The following TAB1 variants were observed in gnomAD, a reference collection of about 807,000 sequenced individuals.
TAB1 encodes the protein TGF-beta-activated kinase 1 and MAP3K7-binding protein 1.
TAB1 carries 30 observed loss-of-function variants against 54.5 expected under a neutral mutation model. The observed-to-expected ratio is 0.55, with a 90% CI of 0.41 to 0.75. The LOEUF (loss-of-function observed/expected upper bound fraction) is 0.75, where lower values mean the gene tolerates loss of function less well. Among genes scored for constraint, TAB1 ranks in the 30% least tolerant of loss-of-function variants. TAB1 has a pLI of 0.00. For missense variants in TAB1, 609 were observed against 683.2 expected (o/e 0.89, Z 1.21); for synonymous variants, 289 against 286.9 (o/e 1.01, Z -0.07).
rs374318139 is a variant in TAB1 at position 39,403,534 on chromosome 22, T to C, written c.33+3699T>C. 2.6e-4 allele frequency among the ~76,000 whole-genome samples: 39 copies of C among 152,170 alleles called. No homozygotes were observed. In the East Asian group the frequency reaches 7.0e-3, roughly 27 times the overall value. ...GGGCCATGCTGGGCTTCACAGGTCC[T>C]GATGTGGCCTCTGGATTCCATTCTT... On this transcript the variant is annotated intron_variant, in intron 1 of 10. Transcript: ENST00000216160.
intron 1 of TAB1, 140 bp downstream of exon 1, chr22:39,399,975 C>T (rs1247745196): frequency 4.1e-6 from 4 of 975,718 alleles, no homozygotes; most frequent in Non-Finnish European, 3.0e-6. Flanking sequence ...CTCCTCTCCT[C>T]GGGCTGGCCC....
At chr22:39,405,336 C>A (rs1028103976) in intron 1 of TAB1, among the ~76,000 whole-genome samples, 2 of 152,232 alleles carry the variant, frequency 1.3e-5, no homozygotes, top group Admixed American at 6.5e-5. Context: ...AACTCCTTCA[C>A]AAAATCAAAT....
At chr22:39,435,773 G>C (rs190225021), downstream of TAB1, among the ~76,000 whole-genome samples, 137 of 152,264 alleles carry the variant, frequency 9.0e-4, no homozygotes, top group Non-Finnish European at 1.7e-3. Flanking sequence ...CCATGAAGAG[G>C]GGGTGGTAGT....
At chr22:39,423,163 T>C (rs948735790) in intron 8 of TAB1, among the ~76,000 whole-genome samples, 2 of 151,978 alleles carry the variant, frequency 1.3e-5, no homozygotes, top group Non-Finnish European at 2.9e-5. Context: ...CTTTGTTTTG[T>C]TTTTTTGGTA....
downstream of TAB1, among the ~76,000 whole-genome samples, chr22:39,434,543 T>C (rs1284863965): frequency 1.3e-5 from 2 of 152,252 alleles, no homozygotes; most frequent in Admixed American, 1.3e-4. Flanking sequence ...GAGCACAGGC[T>C]CTGTTCCCAC....
chr22:39,427,646 A>T (rs947501450), intron 9 of TAB1, among the ~76,000 whole-genome samples: 9 of 152,118 alleles, frequency 5.9e-5, no homozygotes, highest in Non-Finnish European at 1.2e-4. Flanking sequence ...GGGTTATTGG[A>T]GTTTCTCTGG....
chr22:39,417,869 A>G lies in TAB1; in HGVS notation c.550+20A>G, dbSNP rs754971321. 1.3e-6 allele frequency: 2 copies of G among 1,587,486 alleles called. No homozygotes were observed. The highest frequency in any genetic ancestry group is 1.7e-6 in the Non-Finnish European group (2 of 1,167,824). ...ATGTCGGTGAGCCCCCTCCTGTCCC[A>G]GGGCAGGGAGGACTGGGGAGAGGTC... On this transcript the variant is annotated intron_variant, in intron 5 of 10. Transcript: ENST00000216160.
intron 1 of TAB1, among the ~76,000 whole-genome samples, chr22:39,402,002 A>T (rs1926165626): frequency 6.6e-6 from 1 of 152,184 alleles, no homozygotes; most frequent in Non-Finnish European, 1.5e-5. Context: ...TGGGAGGAGC[A>T]TATGCCACTG....
Position 39,415,757 on chromosome 22 carries a change from T to C in TAB1, c.324+104T>C. ...GTTGCCAGGGTTGGTGTGAAGATCC[T>C]GCCGGCCCCTTCACCCCAGTAGAGG... On this transcript the variant is annotated intron_variant, in intron 3 of 10. Transcript: ENST00000216160. This position sits in a 1 kb window ranked among gnomAD's most constrained non-coding sequence, Gnocchi z 4.9. 7.0e-7 allele frequency: 1 copy of C among 1,429,290 alleles called. No individual in the cohort carries two copies. Among genetic ancestry groups the C allele is most frequent in the Non-Finnish European group, 9.4e-7 (1 of 1,067,140 alleles). The allele number at this position is 1,429,290 out of a possible 1,614,324, so 88.5% of individuals were successfully genotyped here.
In TAB1 at chr22:39,421,789, T is replaced by C. The variant is rs1601695552; in HGVS notation, c.777-38T>C. On this transcript the variant is annotated intron_variant, in intron 7 of 10. Coordinates refer to ENST00000216160, the MANE Select transcript of TAB1 (RefSeq NM_006116.3). ...AGAATCAGCATCCACCTGCGGGCTG[T>C]TCCAAGCAAAGCTCTTCCTTCCACT... 2.5e-6 allele frequency: 4 copies of C among 1,612,496 alleles called. No homozygotes were observed. In the East Asian group the frequency reaches 9.0e-5, roughly 36 times the overall value.
At chr22:39,432,804 C>A (rs967443545), downstream of TAB1, 6 of 985,502 alleles carry the variant, frequency 6.1e-6, no homozygotes, top group Middle Eastern at 5.2e-4. Context: ...GACTTTATGT[C>A]CCCTGTCCCC....
At chr22:39,406,613 CTCTT>C (rs910766396) in intron 1 of TAB1, among the ~76,000 whole-genome samples, 16 of 151,662 alleles carry the variant, frequency 1.1e-4, no homozygotes, top group Admixed American at 4.6e-4. Flanking sequence ...TTTTTTCTTA[CTCTT>C]TCTTTATTTT....
chr22:39,416,293 C>T (rs1443209529), intron 3 of TAB1, among the ~76,000 whole-genome samples: 2 of 152,208 alleles, frequency 1.3e-5, no homozygotes, highest in Admixed American at 6.5e-5. Context: ...TCACCAGTGT[C>T]CTGGGGCTGG....
intron 10 of TAB1, chr22:39,429,173 G>C (rs1290637192): frequency 1.0e-6 from 1 of 985,334 alleles, no homozygotes; most frequent in African/African-American, 1.7e-5. Flanking sequence ...CCCTGTGCTG[G>C]TGCTGGGCAG....
At chr22:39,403,763 C>T (rs1038295811) in intron 1 of TAB1, among the ~76,000 whole-genome samples, 24 of 151,868 alleles carry the variant, frequency 1.6e-4, no homozygotes, top group African/African-American at 5.1e-4. Context: ...CTCAGCCTCC[C>T]AAGTAGCTGG....
rs773251498 is a variant in TAB1, at chr22:39,415,664, C to T, written c.324+11C>T. The T allele has an allele frequency of 5.6e-6, 9 of 1,603,312 alleles. No homozygotes were observed. Among genetic ancestry groups the T allele is most frequent in the Middle Eastern group, 1.6e-4 (1 of 6,074 alleles). ...CGTGTGCTGCTGCAGGTAATGGTGC[C>T]GGGGCCAACAGTGACCCAGCCACAT... On this transcript the variant is annotated intron_variant, in intron 3 of 10. Coordinates refer to ENST00000216160, the MANE Select transcript of TAB1 (RefSeq NM_006116.3). The surrounding 1 kb of genome is among the most constrained non-coding windows in gnomAD (Gnocchi z 4.9).
At chr22:39,429,879 G>A (rs778362409) in intron 10 of TAB1, 136 bp from the exon 11 acceptor site, 10 of 1,505,330 alleles carry the variant, frequency 6.6e-6, no homozygotes, top group Non-Finnish European at 8.9e-6. Context: ...GGCTGGGCCA[G>A]CTCCTATGGT....
chr22:39,414,321 G>A (rs1926730715), intron 1 of TAB1, among the ~76,000 whole-genome samples: 1 of 152,224 alleles, frequency 6.6e-6, no homozygotes, highest in Admixed American at 6.5e-5. Flanking sequence ...GACTGGGAGG[G>A]AAGGATGTGG....
chr22:39,422,061 C>G, intron 8 of TAB1, 90 bp downstream of exon 8: 2 of 1,194,802 alleles, frequency 1.7e-6, no homozygotes, highest in Non-Finnish European at 2.2e-6. Context: ...CTGTGATTCT[C>G]GGAGGCCGTC....
Sources: gnomAD v4.1 joint callset for allele counts (sites outside exome capture counted in the v4.1 genomes callset) on GRCh38, gnomAD v4.1.1 for gene constraint, Gnocchi (gnomAD v3.1) non-coding constraint, MANE v1.5 for transcripts, NCBI Gene and HGNC (gene_info 2026-07-23, HGNC 2026-07-21) for gene names.